The following SS18 variants were observed in gnomAD, a reference collection of about 807,000 sequenced individuals.
SS18 encodes the protein protein SSXT.
In SS18, 28 loss-of-function variants were observed where a neutral mutation model predicts 72.5. The ratio of observed to expected loss-of-function variants is 0.39; its 90% CI spans 0.29 to 0.53. The LOEUF is 0.53. Ranked by LOEUF, SS18 falls within the 20% of genes least tolerant of loss-of-function variation. SS18 has a pLI of 0.76. For missense variants in SS18, 518 were observed against 535.3 expected (o/e 0.97, Z 0.32); for synonymous variants, 172 against 164.2 (o/e 1.05, Z -0.37).
At chr18:26,028,756 G>C (rs184461653) in intron 10 of SS18, among the ~76,000 whole-genome samples, 4 of 152,300 alleles carry the variant, frequency 2.6e-5, no homozygotes, top group Admixed American at 2.6e-4. Flanking sequence ...CTGGAGAAGG[G>C]ATGCAAGTGG....
intron 5 of SS18, among the ~76,000 whole-genome samples, chr18:26,045,150 A>G (rs959222255): frequency 6.6e-6 from 1 of 152,168 alleles, no homozygotes; most frequent in Non-Finnish European, 1.5e-5. Context: ...AGGTCTCCCT[A>G]TTTCACCCTT....
chr18:26,079,541 C>T (rs988481594), intron 2 of SS18, among the ~76,000 whole-genome samples: 2 of 152,144 alleles, frequency 1.3e-5, no homozygotes, highest in Admixed American at 6.6e-5. Context: ...CTAAAATAGA[C>T]ACCATAAAAG....
intron 3 of SS18, among the ~76,000 whole-genome samples, chr18:26,059,253 T>A (rs2054078027): frequency 6.6e-6 from 1 of 152,220 alleles, no homozygotes; most frequent in Non-Finnish European, 1.5e-5. Context: ...CTACAACTCC[T>A]GAAAGAACGG....
intron 5 of SS18, among the ~76,000 whole-genome samples, chr18:26,040,782 T>C (rs889802924): frequency 6.6e-6 from 1 of 152,218 alleles, no homozygotes; most frequent in Non-Finnish European, 1.5e-5. Context: ...AATTTTATTC[T>C]CATAAATGTG....
chr18:26,088,952 C>CA (rs1280320630), intron 1 of SS18, among the ~76,000 whole-genome samples: 1 of 151,746 alleles, frequency 6.6e-6, no homozygotes, highest in Non-Finnish European at 1.5e-5. Flanking sequence ...ATTGGATGAC[C>CA]AAAAAAAGTC....
At chr18:26,027,237 G>A (rs1194611438) in intron 10 of SS18, among the ~76,000 whole-genome samples, 1 of 152,178 alleles carries the variant, frequency 6.6e-6, no homozygotes, top group Non-Finnish European at 1.5e-5. Context: ...TGAAGACAGT[G>A]TGGTACTGGC....
chr18:26,018,593 T>C (rs2053289798), intron 10 of SS18, among the ~76,000 whole-genome samples: 1 of 152,178 alleles, frequency 6.6e-6, no homozygotes, highest in Non-Finnish European at 1.5e-5. Flanking sequence ...TAGTCCAAAA[T>C]ATGCTAGGGA....
chr18:26,053,385 A>G (rs1235783927), intron 4 of SS18, among the ~76,000 whole-genome samples: 1 of 151,610 alleles, frequency 6.6e-6, no homozygotes, highest in Non-Finnish European at 1.5e-5. Context: ...AAGAAACCAT[A>G]AAAGAATTTC....
chr18:26,071,689 A>G (rs1283069776), intron 3 of SS18, among the ~76,000 whole-genome samples: 1 of 152,140 alleles, frequency 6.6e-6, no homozygotes, highest in Non-Finnish European at 1.5e-5. Flanking sequence ...TCAGCCAGGC[A>G]TGATGGTGTA....
chr18:26,061,133 G>GA (rs2054117322), intron 3 of SS18, among the ~76,000 whole-genome samples: 1 of 152,146 alleles, frequency 6.6e-6, no homozygotes. Context: ...CTAACACGGT[G>GA]AAACCCTGTC....
Position 26,066,600 on chromosome 18 carries a change from GCACACA to G in SS18, c.232-8864_232-8859del, listed in dbSNP as rs35011668. ...TTTTAATATAGTTCTGGAAATTTGT[GCACACA>G]CACACACACACACACACACACACAT... On this transcript the variant is annotated intron_variant, in intron 3 of 10. Transcript: ENST00000415083. Among the ~76,000 whole-genome samples the G allele has an allele frequency of 3.5e-3, 500 of 144,432 alleles. 2 individuals carry two copies. The highest frequency in any genetic ancestry group is 0.01 in the Middle Eastern group (3 of 290). 94.8% of individuals were successfully genotyped at this position (144,432 alleles called of 152,430 possible).
chr18:26,054,545 AAAAG>A (rs1352030794), intron 4 of SS18, among the ~76,000 whole-genome samples: 2 of 152,194 alleles, frequency 1.3e-5, no homozygotes, highest in African/African-American at 4.8e-5. Flanking sequence ...AAACTTGTAA[AAAAG>A]AACATGATAG....
At chr18:26,023,586 C>G (rs923328297) in intron 10 of SS18, 2 of 526,844 alleles carry the variant, frequency 3.8e-6, no homozygotes, top group African/African-American at 3.7e-5. Context: ...AGTGGAGCAT[C>G]TTTAAAGTAT....
intron 3 of SS18, among the ~76,000 whole-genome samples, chr18:26,073,747 A>T (rs1180643253): frequency 6.6e-6 from 1 of 152,246 alleles, no homozygotes; most frequent in African/African-American, 2.4e-5. Context: ...ATAAATATTC[A>T]GTGACAAAAT....
chr18:26,029,396 G>C (rs924383233), intron 10 of SS18, among the ~76,000 whole-genome samples: 1 of 152,134 alleles, frequency 6.6e-6, no homozygotes, highest in Non-Finnish European at 1.5e-5. Context: ...GAGGAGGCAC[G>C]ATAAAATCAA....
chr18:26,028,242 T>C (rs552383976), intron 10 of SS18, among the ~76,000 whole-genome samples: 3 of 152,272 alleles, frequency 2.0e-5, no homozygotes, highest in African/African-American at 7.2e-5. Flanking sequence ...ATTAAAGTCA[T>C]GAAGTGTTAT....
At chr18:26,063,424 C>T (rs1255330336) in intron 3 of SS18, among the ~76,000 whole-genome samples, 2 of 152,098 alleles carry the variant, frequency 1.3e-5, no homozygotes, top group African/African-American at 4.8e-5. Context: ...GAGGCTGAGG[C>T]AGGACAATGG....
chr18:26,073,912 T>C (rs929103476), intron 3 of SS18, among the ~76,000 whole-genome samples: 2 of 152,202 alleles, frequency 1.3e-5, no homozygotes, highest in Non-Finnish European at 2.9e-5. Flanking sequence ...CATGGGTATT[T>C]GGCAGACATT....
At chr18:26,019,804 A>G (rs2053314927) in intron 10 of SS18, among the ~76,000 whole-genome samples, 1 of 151,134 alleles carries the variant, frequency 6.6e-6, no homozygotes, top group African/African-American at 2.4e-5. Context: ...AAAAAAAAAA[A>G]AAAAAAAAAA....
Sources: gnomAD v4.1 joint callset for allele counts (sites outside exome capture counted in the v4.1 genomes callset) on GRCh38, gnomAD v4.1.1 for gene constraint, MANE v1.5 for transcripts, NCBI Gene and HGNC (gene_info 2026-07-23, HGNC 2026-07-21) for gene names.